Variants in C10orf143 observed in about 807,000 individuals in gnomAD.
C10orf143 encodes uncharacterized protein C10orf143.
chr10:130,107,180 A>G lies in C10orf143; in HGVS notation c.69+3524T>C, dbSNP rs759544014. ...AAGTGAGAATCAGAAGCTTCAACAG[A>G]AACTTAAAGTAATGACTGAATTATA... On this transcript the variant is annotated intron_variant, in intron 1 of 3. Coordinates refer to ENST00000637128, the MANE Select transcript of C10orf143 (RefSeq NM_001355042.2). 2.3e-5 allele frequency: 35 copies of G among 1,508,696 alleles called. No individual in the cohort carries two copies. The African/African-American group carries it at 4.5e-4, about 20-fold the overall frequency. The allele number at this position is 1,508,696 out of a possible 1,614,324, so 93.5% of individuals were successfully genotyped here.
At chr10:130,102,809 T>G (rs1267309102) in intron 1 of C10orf143, among the ~76,000 whole-genome samples, 1 of 152,232 alleles carries the variant, frequency 6.6e-6, no homozygotes, top group African/African-American at 2.4e-5. Context: ...TCACCTTTTA[T>G]ATCCATGGTA....
At chr10:130,107,624 T>C (rs758500970) in intron 1 of C10orf143, 1 of 1,339,108 alleles carries the variant, frequency 7.5e-7, no homozygotes, top group Admixed American at 1.7e-5. Context: ...TCGGCCTTCA[T>C]CTGAAACGAG....
downstream of C10orf143, among the ~76,000 whole-genome samples, chr10:130,060,204 G>A (rs564185386): frequency 3.2e-3 from 493 of 152,218 alleles, 4 homozygotes; most frequent in African/African-American, 0.011. Flanking sequence ...GCCAATGTTC[G>A]TGCACAGGGA....
At chr10:130,043,730 T>C (rs1860633639) in intron 3 of C10orf143, among the ~76,000 whole-genome samples, 1 of 152,214 alleles carries the variant, frequency 6.6e-6, no homozygotes, top group Admixed American at 6.5e-5. Flanking sequence ...TTCCAGAAGT[T>C]GAAGCATCTC....
chr10:130,106,257 A>C, intron 1 of C10orf143: 1 of 1,526,394 alleles, frequency 6.6e-7, no homozygotes, highest in Non-Finnish European at 9.1e-7. Context: ...AGTCGGCTTT[A>C]TGTGGGAAGA....
intron 4 of C10orf143, among the ~76,000 whole-genome samples, chr10:130,035,557 G>C (rs1860535860): frequency 6.6e-6 from 1 of 152,202 alleles, no homozygotes; most frequent in Non-Finnish European, 1.5e-5. Flanking sequence ...GGGGCATTCA[G>C]GCAGCAACTC....
intron 3 of C10orf143, among the ~76,000 whole-genome samples, chr10:130,047,780 A>C (rs1860693610): frequency 6.6e-6 from 1 of 152,116 alleles, no homozygotes; most frequent in East Asian, 1.9e-4. Context: ...TGCCCATAAG[A>C]GATGCCCAAA....
chr10:130,058,438 A>C (rs1860819165), intron 3 of C10orf143, among the ~76,000 whole-genome samples: 1 of 152,180 alleles, frequency 6.6e-6, no homozygotes, highest in Admixed American at 6.5e-5. Flanking sequence ...TCTGACATAC[A>C]GGGTGCTCAG....
chr10:130,106,175 G>A, intron 1 of C10orf143: 3 of 879,372 alleles, frequency 3.4e-6, no homozygotes, highest in Non-Finnish European at 5.7e-6. Context: ...ATGGGAAATG[G>A]TGATATGTGC....
At chr10:130,050,839 G>A (rs1338897420) in intron 3 of C10orf143, among the ~76,000 whole-genome samples, 1 of 152,216 alleles carries the variant, frequency 6.6e-6, no homozygotes, top group African/African-American at 2.4e-5. Context: ...TCTGGGGTCA[G>A]TTCCTGCTGG....
intron 1 of C10orf143, among the ~76,000 whole-genome samples, chr10:130,084,895 A>G (rs542445617): frequency 6.6e-6 from 1 of 152,348 alleles, no homozygotes; most frequent in South Asian, 2.1e-4. Flanking sequence ...AAATGAGGGC[A>G]TGTCAAAAAG....
At chr10:130,076,322 A>C (rs569256469) in intron 3 of C10orf143, among the ~76,000 whole-genome samples, 1 of 152,098 alleles carries the variant, frequency 6.6e-6, no homozygotes, top group African/African-American at 2.4e-5. Flanking sequence ...TCTCCCCCAC[A>C]TTCCTGTGTC....
At chr10:130,095,630 T>C (rs1476554183) in intron 1 of C10orf143, among the ~76,000 whole-genome samples, 1 of 152,000 alleles carries the variant, frequency 6.6e-6, no homozygotes, top group Non-Finnish European at 1.5e-5. Flanking sequence ...GCCTCAGAAA[T>C]AACGCCACAC....
intron 3 of C10orf143, among the ~76,000 whole-genome samples, chr10:130,047,775 A>G (rs1860693548): frequency 6.6e-6 from 1 of 152,170 alleles, no homozygotes. Context: ...TCTAGTGCCC[A>G]TAAGAGATGC....
chr10:130,059,454 T>C (rs959212231), downstream of C10orf143, among the ~76,000 whole-genome samples: 2 of 151,842 alleles, frequency 1.3e-5, no homozygotes, highest in Non-Finnish European at 1.5e-5. Flanking sequence ...AGTAGAAAAA[T>C]GGGCAAAGGT....
intron 3 of C10orf143, among the ~76,000 whole-genome samples, chr10:130,042,498 C>T (rs1445479082): frequency 1.3e-5 from 2 of 152,222 alleles, no homozygotes; most frequent in East Asian, 3.8e-4. Context: ...GGCGTGTTTG[C>T]TGGTTGGAGC....
chr10:130,100,506 G>C (rs1861531402), intron 1 of C10orf143, among the ~76,000 whole-genome samples: 1 of 152,104 alleles, frequency 6.6e-6, no homozygotes, highest in South Asian at 2.1e-4. Context: ...GCAAGAGAGG[G>C]AGACTCTGTC....
intron 3 of C10orf143, among the ~76,000 whole-genome samples, chr10:130,046,000 G>A (rs1000945104): frequency 5.3e-5 from 8 of 152,050 alleles, no homozygotes; most frequent in African/African-American, 1.9e-4. Context: ...GGCATGGGAG[G>A]TGGGGCTGGG....
At chr10:130,088,867 T>G (rs1861335716) in intron 1 of C10orf143, among the ~76,000 whole-genome samples, 1 of 152,214 alleles carries the variant, frequency 6.6e-6, no homozygotes, top group Admixed American at 6.5e-5. Context: ...CTATGACATT[T>G]GGTACTGCAT....
Sources: gnomAD v4.1 joint callset for allele counts (sites outside exome capture counted in the v4.1 genomes callset) on GRCh38, gnomAD v4.1.1 for gene constraint, MANE v1.5 for transcripts, NCBI Gene and HGNC (gene_info 2026-07-23, HGNC 2026-07-21) for gene names.